Variants in ANK2 observed in about 807,000 individuals in gnomAD.
ANK2 encodes ankyrin-2.
ANK2 carries 83 observed loss-of-function variants against 360.5 expected under a neutral mutation model. The observed-to-expected ratio is 0.23, with a 90% CI of 0.19 to 0.28. The LOEUF (loss-of-function observed/expected upper bound fraction) is 0.28. ANK2 is among the 10% of genes least tolerant of loss of function. The pLI, the probability that ANK2 is intolerant of heterozygous loss-of-function variation, is 1.00. For synonymous variants in ANK2, 1,740 were observed against 1,759.5 expected, an observed-to-expected ratio of 0.99 and a Z score of 0.28; for missense variants, 4,201 against 4,795.7, an observed-to-expected ratio of 0.88 and a Z score of 3.66.
intron 43 of ANK2, among the ~76,000 whole-genome samples, chr4:113,372,065 G>A (rs2096757877): frequency 6.6e-6 from 1 of 152,106 alleles, no homozygotes; most frequent in Non-Finnish European, 1.5e-5. Flanking sequence ...AATAGCTACA[G>A]GAAACTTTGA....
intron 2 of ANK2, among the ~76,000 whole-genome samples, chr4:112,958,830 G>C (rs2032925923): frequency 1.6e-5 from 2 of 127,598 alleles, no homozygotes; most frequent in Admixed American, 1.6e-4. Flanking sequence ...ATCTATTTTG[G>C]GGGTACAAGA....
At chr4:113,320,326 T>G (rs993540045) in intron 26 of ANK2, among the ~76,000 whole-genome samples, 4 of 152,202 alleles carry the variant, frequency 2.6e-5, no homozygotes, top group Admixed American at 6.5e-5. Context: ...TCTCAACTTT[T>G]GCTGTGCATT....
intron 35 of ANK2, 42 bp from the exon 36 acceptor site, chr4:113,348,234 T>G (rs750196330): frequency 6.2e-7 from 1 of 1,602,866 alleles, no homozygotes; most frequent in South Asian, 1.1e-5. Flanking sequence ...TACTCTTCCT[T>G]CTCTCTTTTT....
chr4:112,983,360 C>T (rs1226787911), intron 2 of ANK2, among the ~76,000 whole-genome samples: 16 of 149,302 alleles, frequency 1.1e-4, no homozygotes, highest in Admixed American at 1.1e-3. Context: ...AGTGTATAGA[C>T]TTCTAACATT....
chr4:112,861,445 G>T (rs1005572996), intron 1 of ANK2, among the ~76,000 whole-genome samples: 29 of 152,186 alleles, frequency 1.9e-4, no homozygotes, highest in African/African-American at 7.0e-4. Context: ...TCTACTAGAA[G>T]TTTGTCCTAA....
chr4:113,113,089 AC>A (rs1400020293), intron 1 of ANK2, among the ~76,000 whole-genome samples: 8 of 152,212 alleles, frequency 5.3e-5, no homozygotes, highest in African/African-American at 1.9e-4. Context: ...GTCCCAAAAA[AC>A]AGAGGAAGCC....
At chr4:112,734,613 C>T in the ANK2 span, among the ~76,000 whole-genome samples, 1,538 of 152,190 alleles carry the variant, frequency 0.01, 25 homozygotes, top group African/African-American at 0.035. Context: ...GTTTTTCTTT[C>T]GGGATTTCAA....
chr4:113,104,259 G>A (rs1220461936), intron 1 of ANK2, among the ~76,000 whole-genome samples: 1 of 151,960 alleles, frequency 6.6e-6, no homozygotes, highest in Admixed American at 6.6e-5. Context: ...TGATGGAGAC[G>A]TGGTAGGAAG....
At chr4:113,141,304 AC>A (rs2096627432) in intron 1 of ANK2, 1 of 152,172 alleles carries the variant, frequency 6.6e-6, no homozygotes, top group Non-Finnish European at 1.5e-5. Flanking sequence ...TGTCAGGGAA[AC>A]ACTACTGAGC....
chr4:112,750,082 C>CT, the ANK2 span, among the ~76,000 whole-genome samples: 1 of 151,306 alleles, frequency 6.6e-6, no homozygotes. Flanking sequence ...TTCTTTCATA[C>CT]TTTTTTTTCT....
intron 1 of ANK2, among the ~76,000 whole-genome samples, chr4:113,164,039 A>T (rs1348253618): frequency 1.3e-5 from 2 of 152,046 alleles, no homozygotes; most frequent in Non-Finnish European, 2.9e-5. Flanking sequence ...CCAGTTTTTC[A>T]TCTCTGTATG....
Position 113,250,954 on chromosome 4 carries a change from G to T in ANK2, c.990+1092G>T, listed in dbSNP as rs142891927. 4.6e-3 allele frequency among the ~76,000 whole-genome samples: 696 copies of T among 152,248 alleles called. 6 individuals carry two copies. Among genetic ancestry groups the T allele is most frequent in the African/African-American group, 0.016 (652 of 41,556 alleles). On this transcript the variant is annotated intron_variant, in intron 10 of 45. Coordinates refer to ENST00000357077, the MANE Select transcript of ANK2 (RefSeq NM_001148.6). The stretch of plus-strand genomic sequence containing the variant: ...TGTGCCCACATGCCATAAAAGAGTG[G>T]CTTCAAATCAGTAATATATGAAGAA...
the ANK2 span, among the ~76,000 whole-genome samples, chr4:112,790,629 C>T: frequency 1.3e-5 from 2 of 151,828 alleles, no homozygotes; most frequent in Non-Finnish European, 2.9e-5. Flanking sequence ...GCTGGGATTA[C>T]ATGTGCATGC....
chr4:113,024,536 T>C (rs1438017033), intron 2 of ANK2, among the ~76,000 whole-genome samples: 1 of 152,222 alleles, frequency 6.6e-6, no homozygotes, highest in Non-Finnish European at 1.5e-5. Context: ...TATAACAAAC[T>C]GTACCTGCCA....
At chr4:112,839,745 G>A (rs1343087679) in intron 1 of ANK2, among the ~76,000 whole-genome samples, 1 of 152,202 alleles carries the variant, frequency 6.6e-6, no homozygotes, top group South Asian at 2.1e-4. Context: ...CAGTTCAGAT[G>A]TCAATGACCA....
chr4:113,119,685 C>T (rs1025139818), intron 1 of ANK2, among the ~76,000 whole-genome samples: 3 of 152,008 alleles, frequency 2.0e-5, no homozygotes, highest in African/African-American at 7.2e-5. Flanking sequence ...TTTGTAGTGC[C>T]TCTTACTAAT....
chr4:113,051,867 A>G (rs551988224), intron 1 of ANK2, among the ~76,000 whole-genome samples: 1 of 152,290 alleles, frequency 6.6e-6, no homozygotes, highest in South Asian at 2.1e-4. Flanking sequence ...TTTGAACAGT[A>G]TTTAAAACAT....
At chr4:112,840,195 AC>A in intron 1 of ANK2, among the ~76,000 whole-genome samples, 2 of 152,258 alleles carry the variant, frequency 1.3e-5, no homozygotes, top group Non-Finnish European at 2.9e-5. Context: ...ATATTCAGCT[AC>A]TGAATCAGAA....
rs2154075241 is a variant in ANK2 at position 113,373,445 on chromosome 4, C to T, written c.11855C>T (p.Ser3952Leu). 1 of 1,614,082 alleles carries T rather than the reference C, an allele frequency of 6.2e-7. No homozygotes were observed. The highest frequency in any genetic ancestry group is 8.5e-7 in the Non-Finnish European group (1 of 1,179,992). Residue 3952 changes from serine (S) to leucine (L), a missense_variant, in exon 45 of 46, where the codon TCA (serine) becomes TTA (leucine). By Grantham distance (145) the Ser-to-Leu change is moderately radical. This residue lies in a region of ANK2 where 2,642 missense variants were observed against 2,714.5 expected (regional missense o/e 0.97). Coordinates refer to ENST00000357077, the MANE Select transcript of ANK2 (RefSeq NM_001148.6). The part of the protein sequence containing the change: ...RVVLKSDTEQ[S>L]EDNNE ...GTATTGAAGAGTGACACCGAGCAGT[C>T]AGAGGTGAGACAACCTGATTCTCTA...
Sources: allele counts gnomAD v4.1 joint callset (sites outside exome capture counted in the v4.1 genomes callset), GRCh38; gene constraint gnomAD v4.1.1; regional missense constraint gnomAD v4.1.1; transcripts MANE v1.5; gene names NCBI Gene and HGNC (gene_info 2026-07-23, HGNC 2026-07-21).